Variants in LRP1B observed in about 807,000 individuals in gnomAD.
LRP1B encodes the protein low-density lipoprotein receptor-related protein 1B.
A neutral mutation model predicts 556.6 loss-of-function variants in LRP1B; 217 were observed. That is an observed-to-expected ratio of 0.39 (90% CI 0.35 to 0.44). LRP1B has a LOEUF of 0.44. Ranked by LOEUF, LRP1B falls within the 20% of genes least tolerant of loss-of-function variation. The pLI, the probability that LRP1B is intolerant of heterozygous loss-of-function variation, is 1.00. For synonymous variants in LRP1B, 2,047 were observed against 1,865.8 expected (o/e 1.10, Z -2.50); for missense variants, 5,053 against 5,620.8 (o/e 0.90, Z 3.23).
intron 2 of LRP1B, among the ~76,000 whole-genome samples, chr2:141,802,695 AAT>A (rs1255554901): frequency 6.6e-6 from 1 of 152,136 alleles, no homozygotes; most frequent in East Asian, 1.9e-4. Context: ...CATTTAGCAA[AAT>A]ATGTCATTTT....
chr2:140,513,599 C>T (rs1427944660), intron 51 of LRP1B, among the ~76,000 whole-genome samples: 1 of 151,648 alleles, frequency 6.6e-6, no homozygotes, highest in Non-Finnish European at 1.5e-5. Flanking sequence ...TTTTGAGTGA[C>T]TTAAATACAA....
At chr2:140,545,139 GT>G (rs35863628) in intron 43 of LRP1B, among the ~76,000 whole-genome samples, 179 of 143,474 alleles carry the variant, frequency 1.2e-3, no homozygotes, top group Admixed American at 1.7e-3. Context: ...ATTTTTATGA[GT>G]TTTTTTTTTT....
chr2:141,044,491 A>G (rs1284663059), intron 11 of LRP1B, among the ~76,000 whole-genome samples: 3 of 149,400 alleles, frequency 2.0e-5, no homozygotes, highest in Admixed American at 6.7e-5. Context: ...GCAACCTACA[A>G]AATGGGAGAA....
At chr2:141,738,156 A>G (rs916167713) in intron 2 of LRP1B, among the ~76,000 whole-genome samples, 1 of 152,170 alleles carries the variant, frequency 6.6e-6, no homozygotes, top group Non-Finnish European at 1.5e-5. Flanking sequence ...ATATGAGAAC[A>G]TTACAGATTT....
At chr2:141,521,634 T>C (rs1025632423) in intron 2 of LRP1B, among the ~76,000 whole-genome samples, 2 of 152,006 alleles carry the variant, frequency 1.3e-5, no homozygotes, top group African/African-American at 4.8e-5. Context: ...ATATATGTAA[T>C]TGATTCTATT....
chr2:140,960,310 G>A (rs952262250), intron 18 of LRP1B, among the ~76,000 whole-genome samples: 6 of 151,860 alleles, frequency 4.0e-5, no homozygotes, highest in South Asian at 2.1e-4. Context: ...ATCAAGATAC[G>A]ATTATAAATG....
intron 3 of LRP1B, among the ~76,000 whole-genome samples, chr2:141,410,055 G>GA (rs1411798564): frequency 1.3e-5 from 2 of 151,912 alleles, no homozygotes; most frequent in Non-Finnish European, 1.5e-5. Context: ...CTAGGAGAGA[G>GA]AAAAAACGTA....
intron 2 of LRP1B, among the ~76,000 whole-genome samples, chr2:141,651,477 G>T (rs780776240): frequency 3.9e-5 from 6 of 151,994 alleles, no homozygotes; most frequent in Non-Finnish European, 8.8e-5. Context: ...CAGCCTGGCC[G>T]ACATGGTGAA....
intron 32 of LRP1B, among the ~76,000 whole-genome samples, chr2:140,777,383 T>G (rs1463573872): frequency 1.3e-5 from 2 of 152,192 alleles, no homozygotes; most frequent in Non-Finnish European, 2.9e-5. Flanking sequence ...GCTGGTGCCA[T>G]GCAACACAGT....
chr2:140,428,611 T>C (rs1685770016), intron 66 of LRP1B, among the ~76,000 whole-genome samples: 1 of 152,144 alleles, frequency 6.6e-6, no homozygotes, highest in Non-Finnish European at 1.5e-5. Flanking sequence ...GGCTGAAGAC[T>C]GACACTGCCT....
intron 2 of LRP1B, among the ~76,000 whole-genome samples, chr2:141,718,112 G>A (rs890263693): frequency 1.3e-5 from 2 of 152,146 alleles, no homozygotes; most frequent in Non-Finnish European, 2.9e-5. Context: ...TTTCTGGACA[G>A]GAGGCAGGGC....
chr2:140,796,383 G>A (rs921161617), intron 32 of LRP1B, among the ~76,000 whole-genome samples: 2 of 152,032 alleles, frequency 1.3e-5, no homozygotes, highest in African/African-American at 2.4e-5. Context: ...GCATTAAGAG[G>A]AGCAATCTGT....
At chr2:141,983,737 T>C (rs1282370462) in intron 1 of LRP1B, among the ~76,000 whole-genome samples, 1 of 152,044 alleles carries the variant, frequency 6.6e-6, no homozygotes, top group East Asian at 1.9e-4. Flanking sequence ...ATATACACAA[T>C]GTGACAATGG....
chr2:140,975,935 A>AT (rs1418431349), intron 18 of LRP1B, among the ~76,000 whole-genome samples: 2 of 151,656 alleles, frequency 1.3e-5, no homozygotes, highest in African/African-American at 2.4e-5. Context: ...CTTATGTATT[A>AT]TTTTTTTGAG....
chr2:142,021,319 C>CGTGT (rs35409411), intron 1 of LRP1B, among the ~76,000 whole-genome samples: 1 of 150,890 alleles, frequency 6.6e-6, no homozygotes. Context: ...TGTGTATGTG[C>CGTGT]GTGTGTGTGT....
rs556261067 is a variant in LRP1B, at chr2:140,545,064, TC to T, written c.7195-3094del. Among the ~76,000 whole-genome samples the T allele has an allele frequency of 1.2e-4, 19 of 152,256 alleles. 1 individual carries two copies. In the East Asian group the frequency reaches 3.7e-3, roughly 29 times the overall value. On this transcript the variant is annotated intron_variant, in intron 43 of 90. Coordinates refer to ENST00000389484, the MANE Select transcript of LRP1B (RefSeq NM_018557.3). ...ATGATCAGTCATGTTGAGCTTTTTT[TC>T]ATATGTTTTTTCACTGCATATATGT...
intron 3 of LRP1B, among the ~76,000 whole-genome samples, chr2:141,450,401 T>G (rs1045695983): frequency 4.6e-5 from 7 of 152,040 alleles, no homozygotes; most frequent in African/African-American, 1.4e-4. Flanking sequence ...TTTGTGAGCA[T>G]GAGATTATAA....
intron 6 of LRP1B, among the ~76,000 whole-genome samples, chr2:141,192,506 C>T (rs905041589): frequency 6.6e-6 from 1 of 151,780 alleles, no homozygotes; most frequent in African/African-American, 2.4e-5. Flanking sequence ...ACTAAAATAT[C>T]TCAAAATGTA....
At chr2:141,770,061 G>C (rs1260508381) in intron 2 of LRP1B, among the ~76,000 whole-genome samples, 1 of 152,074 alleles carries the variant, frequency 6.6e-6, no homozygotes, top group African/African-American at 2.4e-5. Context: ...AAGGAAATTC[G>C]GTCCTAAAAC....
Sources: allele counts gnomAD v4.1 joint callset (sites outside exome capture counted in the v4.1 genomes callset), GRCh38; gene constraint gnomAD v4.1.1; transcripts MANE v1.5; gene names NCBI Gene and HGNC (gene_info 2026-07-23, HGNC 2026-07-21).